The following PDE1A variants were observed in gnomAD, a reference collection of about 807,000 sequenced individuals.
PDE1A encodes the protein phosphodiesterase 1A, also known as dual specificity calcium/calmodulin-dependent 3',5'-cyclic nucleotide phosphodiesterase 1A.
Under a neutral mutation model 61.7 loss-of-function variants are expected in PDE1A, and 35 were observed. That is an observed-to-expected ratio of 0.57 (90% confidence interval 0.43 to 0.75). The LOEUF (loss-of-function observed/expected upper bound fraction) is 0.75, where lower values mean the gene tolerates loss of function less well. Ranked by LOEUF, PDE1A falls within the 30% of genes least tolerant of loss-of-function variation. PDE1A has a pLI of 0.00. For missense variants in PDE1A, 597 were observed against 630.6 expected (o/e 0.95, Z 0.57); for synonymous variants, 232 against 213.2 (o/e 1.09, Z -0.77).
intron 1 of PDE1A, among the ~76,000 whole-genome samples, chr2:182,291,706 T>C (rs1252213545): frequency 1.3e-5 from 2 of 152,040 alleles, no homozygotes; most frequent in Non-Finnish European, 1.5e-5. Flanking sequence ...AGGAAACAAG[T>C]AGGAAATAAG....
chr2:182,426,614 G>T (rs1348108162), exon 1 of PDE1A: 5 of 1,612,248 alleles, frequency 3.1e-6, no homozygotes, highest in Non-Finnish European at 4.2e-6. Flanking sequence ...CTTCCTGATT[G>T]TGACATGGTC....
intron 4 of PDE1A, among the ~76,000 whole-genome samples, chr2:182,233,373 T>C (rs1039560905): frequency 4.6e-5 from 7 of 152,010 alleles, no homozygotes; most frequent in African/African-American, 1.7e-4. Flanking sequence ...CATTTCACAA[T>C]AGGGTTTGCG....
the PDE1A span, among the ~76,000 whole-genome samples, chr2:182,567,334 A>C: frequency 6.6e-6 from 1 of 152,184 alleles, no homozygotes; most frequent in Non-Finnish European, 1.5e-5. Flanking sequence ...CTCTAAGGTA[A>C]TTCTTCAGAA....
At chr2:182,635,428 G>A in the PDE1A span, among the ~76,000 whole-genome samples, 1 of 151,674 alleles carries the variant, frequency 6.6e-6, no homozygotes, top group Non-Finnish European at 1.5e-5. Flanking sequence ...GACCTTTTTT[G>A]TTTAATATAC....
chr2:182,480,141 CAAAGA>C (rs767835538), intron 2 of PDE1A, among the ~76,000 whole-genome samples: 3 of 151,902 alleles, frequency 2.0e-5, no homozygotes, highest in African/African-American at 4.8e-5. Flanking sequence ...ACTGCTAAAG[CAAAGA>C]AGAGTTTCTT....
At chr2:182,419,494 T>C (rs945208903) in intron 1 of PDE1A, among the ~76,000 whole-genome samples, 1 of 151,974 alleles carries the variant, frequency 6.6e-6, no homozygotes, top group African/African-American at 2.4e-5. Context: ...TGCCACCACA[T>C]CCGGCTAATT....
rs559676427 is a variant in PDE1A, at chr2:182,316,807, A to T, written c.54-52393T>A. Among the ~76,000 whole-genome samples, 3 of 152,294 alleles carry T rather than the reference A, an allele frequency of 2.0e-5. No homozygotes were observed. In the South Asian group the frequency reaches 6.2e-4, roughly 32 times the overall value. ...AAATTGGATATTACTAATTTTTGAA[A>T]ATTGAAGGTAAAAACATGGACATTT... On this transcript the variant is annotated intron_variant, in intron 1 of 13. Transcript: ENST00000351439.
chr2:182,170,728 A>T (rs1409127130), intron 13 of PDE1A, among the ~76,000 whole-genome samples: 2 of 152,010 alleles, frequency 1.3e-5, no homozygotes, highest in African/African-American at 4.8e-5. Context: ...ACTAAACAGG[A>T]TAGTGATTGT....
chr2:182,275,465 A>G (rs548715780), intron 1 of PDE1A, among the ~76,000 whole-genome samples: 9 of 152,282 alleles, frequency 5.9e-5, no homozygotes, highest in African/African-American at 2.2e-4. Context: ...TAGTAGGCCC[A>G]GAACCGCAAT....
At chr2:182,273,165 C>A (rs1234476890) in intron 1 of PDE1A, among the ~76,000 whole-genome samples, 1 of 152,028 alleles carries the variant, frequency 6.6e-6, no homozygotes, top group Non-Finnish European at 1.5e-5. Flanking sequence ...GGGGAATTGA[C>A]TGATATCTTT....
chr2:182,606,998 T>C, the PDE1A span, among the ~76,000 whole-genome samples: 19 of 152,134 alleles, frequency 1.2e-4, no homozygotes, highest in Non-Finnish European at 1.5e-5. Flanking sequence ...TCCATCTCCC[T>C]GATGGTCTAG....
At chr2:182,637,654 G>C in the PDE1A span, among the ~76,000 whole-genome samples, 1 of 152,120 alleles carries the variant, frequency 6.6e-6, no homozygotes, top group African/African-American at 2.4e-5. Context: ...GGGCACTGTG[G>C]CTCACACCCG....
chr2:182,168,018 G>A, exon 14 of PDE1A: 1 of 1,234,820 alleles, frequency 8.1e-7, no homozygotes, highest in Non-Finnish European at 1.0e-6. Context: ...AAAGCACAAG[G>A]TGCTGATGTA....
rs13108427 is a variant in PDE1A, at chr2:182,402,608, T to G, written c.53+23970A>C. Among the ~76,000 whole-genome samples, 352 of 152,304 alleles carry G rather than the reference T, an allele frequency of 2.3e-3. 1 individual carries two copies. Among genetic ancestry groups the G allele is most frequent in the African/African-American group, 7.9e-3 (327 of 41,570 alleles). ...AACCTAGGCAATACCATTCAGGACATAGACATGGGCAAAGCCTTCATGACT... is the reference window on the plus strand; with the variant it reads ...AACCTAGGCAATACCATTCAGGACAGAGACATGGGCAAAGCCTTCATGACT... On this transcript the variant is annotated intron_variant, in intron 1 of 13. Coordinates refer to ENST00000351439, the Ensembl canonical transcript of PDE1A.
chr2:182,427,835 T>C (rs931991866), upstream of PDE1A, among the ~76,000 whole-genome samples: 2 of 152,146 alleles, frequency 1.3e-5, no homozygotes, highest in Non-Finnish European at 2.9e-5. Context: ...GGTCAGAGAT[T>C]TGTAATAAAC....
chr2:182,184,828 A>G (rs56282499), intron 13 of PDE1A, among the ~76,000 whole-genome samples: 39,785 of 152,076 alleles, frequency 0.26, 6,273 homozygotes, highest in Non-Finnish European at 0.34. Context: ...ATAAGAGTAA[A>G]TTTTGATATA....
chr2:182,622,795 T>C, the PDE1A span, among the ~76,000 whole-genome samples: 1 of 151,960 alleles, frequency 6.6e-6, no homozygotes, highest in Non-Finnish European at 1.5e-5. Flanking sequence ...ACAACATAAG[T>C]ATAGGTCCAA....
chr2:182,148,126 A>T (rs1395254007), intron 13 of PDE1A, among the ~76,000 whole-genome samples: 4 of 152,186 alleles, frequency 2.6e-5, no homozygotes, highest in Non-Finnish European at 4.4e-5. Context: ...ATTCTTAGAG[A>T]ACTAAAAACA....
chr2:182,520,857 T>C (rs1690520228), intron 2 of PDE1A, among the ~76,000 whole-genome samples: 1 of 152,142 alleles, frequency 6.6e-6, no homozygotes, highest in East Asian at 1.9e-4. Context: ...TAATGTTTAA[T>C]TTGCATCTAT....
Sources: gnomAD v4.1 joint callset for allele counts (sites outside exome capture counted in the v4.1 genomes callset) on GRCh38, gnomAD v4.1.1 for gene constraint, MANE v1.5 for transcripts, NCBI Gene and HGNC (gene_info 2026-07-23, HGNC 2026-07-21) for gene names.